The following TRMT2B variants were observed in gnomAD, a reference collection of about 807,000 sequenced individuals.
TRMT2B encodes the protein tRNA methyltransferase 2B.
TRMT2B carries 34 observed loss-of-function variants against 39.7 expected under a neutral mutation model. The observed-to-expected ratio is 0.86, with a 90% CI of 0.65 to 1.14. The LOEUF is 1.14. TRMT2B is among the 50% of genes most tolerant of loss of function. TRMT2B has a pLI of 0.00. For synonymous variants in TRMT2B, 132 were observed against 137.3 expected, an observed-to-expected ratio of 0.96 and a Z score of 0.27; for missense variants, 318 against 377.2, an observed-to-expected ratio of 0.84 and a Z score of 1.30.
the TRMT2B span, chrX:100,985,825 G>C: frequency 8.3e-7 from 1 of 1,211,612 alleles, no homozygotes; most frequent in Non-Finnish European, 1.1e-6. Flanking sequence ...TTTCGTCCTG[G>C]ATTCCAGTGA....
chrX:101,033,460 T>C (rs887726320), intron 7 of TRMT2B, among the ~76,000 whole-genome samples: 4 of 108,308 alleles, frequency 3.7e-5, no homozygotes, highest in Admixed American at 1.0e-4. Flanking sequence ...CCAGGCGTGG[T>C]GGTGTGTGCC....
At chrX:101,040,787 C>T (rs987159566) in intron 4 of TRMT2B, among the ~76,000 whole-genome samples, 3 of 111,541 alleles carry the variant, frequency 2.7e-5, no homozygotes, top group Non-Finnish European at 5.6e-5. Context: ...AACAAAAACG[C>T]AAGGAAGAGA....
chrX:100,985,776 A>T, the TRMT2B span: 37 of 1,209,679 alleles, frequency 3.1e-5, no homozygotes, highest in Middle Eastern at 2.3e-4. Context: ...AGGGCCGGGA[A>T]GCATGGCCAA....
rs150227060 is a variant in TRMT2B, at chrX:101,051,716, G to T, written c.-489C>A. On this transcript the variant is annotated 5_prime_UTR_variant, in exon 2 of 14. Coordinates refer to ENST00000372936, the MANE Select transcript of TRMT2B (RefSeq NM_024917.6). ...CCATTCCCCGCCCCGCGGACAGTTTGGCATAGTAGGGAGTTTTCTGTAAAG... is the reference window on the plus strand; with the variant it reads ...CCATTCCCCGCCCCGCGGACAGTTTTGCATAGTAGGGAGTTTTCTGTAAAG... 4.3e-5 allele frequency: 32 copies of T among 752,602 alleles called. No homozygotes were observed. The East Asian group carries it at 4.4e-3, about 104-fold the overall frequency. 62.0% of individuals were successfully genotyped at this position (752,602 alleles called of 1,213,427 possible).
chrX:101,024,873 T>C (rs1255650721), intron 7 of TRMT2B, among the ~76,000 whole-genome samples: 2 of 109,665 alleles, frequency 1.8e-5, no homozygotes. Flanking sequence ...GACACACGCC[T>C]GTAGCCCCAG....
At chrX:100,981,019 G>C in the TRMT2B span, among the ~76,000 whole-genome samples, 1 of 111,944 alleles carries the variant, frequency 8.9e-6, no homozygotes, top group Non-Finnish European at 1.9e-5. Flanking sequence ...GCTGCAAGCT[G>C]TGCTGCCCGG....
chrX:101,038,823 C>T (rs961386320), intron 4 of TRMT2B, among the ~76,000 whole-genome samples: 3 of 111,837 alleles, frequency 2.7e-5, no homozygotes, highest in African/African-American at 9.7e-5. Flanking sequence ...GATCTTGGCT[C>T]ACTGCAGCCT....
At chrX:100,984,332 T>C in the TRMT2B span, among the ~76,000 whole-genome samples, 2 of 109,362 alleles carry the variant, frequency 1.8e-5, no homozygotes, top group East Asian at 5.7e-4. Flanking sequence ...AAAGATGGGG[T>C]TTTGCCATGT....
intron 3 of TRMT2B, among the ~76,000 whole-genome samples, 180 bp from the exon 4 acceptor site, chrX:101,041,551 T>G: frequency 8.9e-6 from 1 of 111,880 alleles, no homozygotes; most frequent in African/African-American, 3.2e-5. Flanking sequence ...AAACCTAATA[T>G]AAGAAAAATC....
intron 7 of TRMT2B, among the ~76,000 whole-genome samples, chrX:101,026,012 A>G (rs190469960): frequency 7.1e-4 from 73 of 102,946 alleles, no homozygotes; most frequent in Admixed American, 3.2e-3. Context: ...AGAGAGACAG[A>G]AAGAGAGAGA....
At chrX:101,012,802 G>A (rs1384285446) in intron 13 of TRMT2B, among the ~76,000 whole-genome samples, 6 of 108,594 alleles carry the variant, frequency 5.5e-5, no homozygotes, top group Admixed American at 1.0e-4. Context: ...GTAGGGACAT[G>A]GATGAAATTG....
rs1389404117 is a variant in TRMT2B at position 101,009,489 on chromosome X, T to C, written c.*1092A>G. The C allele has an allele frequency of 9.2e-6, 1 of 108,465 alleles. No individual in the cohort carries two copies. The highest frequency in any genetic ancestry group is 3.4e-5 in the African/African-American group (1 of 29,819). The allele number at this position is 108,465 out of a possible 1,213,427, so 8.9% of individuals were successfully genotyped here. A position where few individuals can be genotyped will look rare whatever the true frequency, so the allele number is the denominator to read the frequency against. On this transcript the variant is annotated 3_prime_UTR_variant, in exon 14 of 14. Transcript: ENST00000372936. ...GGTCTCTCCAATAACCAATTCTTCC[T>C]CCACGGGTGAGAGTTAATTGGTGCT...
At chrX:100,975,593 C>T in the TRMT2B span, among the ~76,000 whole-genome samples, 4 of 109,495 alleles carry the variant, frequency 3.7e-5, no homozygotes, top group Non-Finnish European at 7.6e-5. Context: ...TCCCCCATTC[C>T]GCCATTCACC....
At chrX:101,026,338 G>A (rs969238277) in intron 7 of TRMT2B, among the ~76,000 whole-genome samples, 1 of 109,457 alleles carries the variant, frequency 9.1e-6, no homozygotes, top group Non-Finnish European at 1.9e-5. Flanking sequence ...TTAGCCAGGC[G>A]TGGTGGCACA....
the TRMT2B span, among the ~76,000 whole-genome samples, chrX:100,975,819 A>G: frequency 9.1e-6 from 1 of 109,667 alleles, no homozygotes; most frequent in Non-Finnish European, 1.9e-5. Context: ...ATTTTAGTAG[A>G]GATGGGGTTT....
intron 3 of TRMT2B, 45 bp downstream of exon 3, chrX:101,041,997 A>T: frequency 8.4e-7 from 1 of 1,192,928 alleles, no homozygotes; most frequent in Non-Finnish European, 1.1e-6. Context: ...GCAGATGTAC[A>T]GATTGAGACC....
chrX:100,985,866 C>T, the TRMT2B span: 2 of 1,210,663 alleles, frequency 1.7e-6, no homozygotes, highest in Non-Finnish European at 2.2e-6. Context: ...TGAAGATCAT[C>T]TTAACACATC....
At chrX:101,048,136 ACACACAC>A (rs1476517510) in intron 2 of TRMT2B, among the ~76,000 whole-genome samples, 18 of 107,017 alleles carry the variant, frequency 1.7e-4, no homozygotes, top group Non-Finnish European at 2.7e-4. Flanking sequence ...ACACACACAC[ACACACAC>A]ACACACACAG....
At chrX:100,990,677 T>C in the TRMT2B span, 1 of 950,529 alleles carries the variant, frequency 1.1e-6, no homozygotes, top group South Asian at 2.2e-5. Flanking sequence ...TGTACCGAGA[T>C]GCTGCTGACA....
Sources: allele counts gnomAD v4.1 joint callset (sites outside exome capture counted in the v4.1 genomes callset), GRCh38; gene constraint gnomAD v4.1.1; transcripts MANE v1.5; gene names NCBI Gene and HGNC (gene_info 2026-07-23, HGNC 2026-07-21).